The following VAMP3 variants were observed in gnomAD, a reference collection of about 807,000 sequenced individuals.
The protein encoded by VAMP3 is vesicle-associated membrane protein 3.
VAMP3 carries 11 observed loss-of-function variants against 18.1 expected under a neutral mutation model. The ratio of observed to expected loss-of-function variants is 0.61; its 90% CI spans 0.38 to 1.00. The LOEUF is 1.00. Among genes scored for constraint, VAMP3 ranks in the 50% least tolerant of loss-of-function variants. VAMP3 has a pLI of 0.01. For missense variants in VAMP3, 122 were observed against 127.3 expected, an observed-to-expected ratio of 0.96 and a Z score of 0.20; for synonymous variants, 49 against 43.1, an observed-to-expected ratio of 1.14 and a Z score of -0.53.
intron 1 of VAMP3, among the ~76,000 whole-genome samples, chr1:7,771,857 C>T (rs954585845): frequency 2.0e-5 from 3 of 152,256 alleles, no homozygotes; most frequent in African/African-American, 7.2e-5. Context: ...GGAAAGATCA[C>T]TTAACCGTGG....
At chr1:7,778,355 A>G (rs2097055361) in intron 4 of VAMP3, among the ~76,000 whole-genome samples, 186 bp downstream of exon 4, 1 of 152,156 alleles carries the variant, frequency 6.6e-6, no homozygotes, top group Non-Finnish European at 1.5e-5. Context: ...CCTGGGCAAC[A>G]TAGCGTCTCT....
At chr1:7,777,391 A>C in intron 3 of VAMP3, 73 bp downstream of exon 3, 1 of 1,516,896 alleles carries the variant, frequency 6.6e-7, no homozygotes, top group South Asian at 1.3e-5. Context: ...GGCTACAGAT[A>C]ATGGACTTTC....
rs973690959 is a variant in VAMP3 at position 7,778,056 on chromosome 1, C to T, written c.232-62C>T. 5.2e-6 allele frequency: 8 copies of T among 1,539,764 alleles called. No individual in the cohort carries two copies. In the Admixed American group the frequency reaches 8.3e-5, roughly 16 times the overall value. On this transcript the variant is annotated intron_variant, in intron 3 of 4. Transcript: ENST00000054666. ...GTGACTAGATGAATATTATATAATA[C>T]TCTTCAACAAGCACATTATGTCTGC...
At chr1:7,777,816 T>C (rs764316782) in intron 3 of VAMP3, among the ~76,000 whole-genome samples, 16 of 152,230 alleles carry the variant, frequency 1.1e-4, no homozygotes, top group Non-Finnish European at 1.9e-4. Flanking sequence ...CTGCCTTGTT[T>C]ACAAGTGACA....
rs182920178 is a variant in VAMP3, at chr1:7,773,268, T to C, written c.3-174T>C. 9.6e-5 allele frequency: 57 copies of C among 590,840 alleles called. No individual in the cohort carries two copies. In the Admixed American group the frequency reaches 1.9e-3, roughly 19 times the overall value. The allele number at this position is 590,840 out of a possible 1,614,324, so 36.6% of individuals were successfully genotyped here. A position where few individuals can be genotyped will look rare whatever the true frequency, so the allele number is the denominator to read the frequency against. ...ACAGTCTTGGAAATTATAGAGAAATTAGAAGAAATGCAATTAAAACTTTCG... is the reference window on the plus strand; with the variant it reads ...ACAGTCTTGGAAATTATAGAGAAATCAGAAGAAATGCAATTAAAACTTTCG... On this transcript the variant is annotated intron_variant, in intron 1 of 4. Coordinates refer to ENST00000054666, the MANE Select transcript of VAMP3 (RefSeq NM_004781.4).
rs777808323 is a variant in VAMP3 at position 7,771,378 on chromosome 1, G to A, written c.-6G>A. On this transcript the variant is annotated 5_prime_UTR_variant, in exon 1 of 5. Coordinates refer to ENST00000054666, the MANE Select transcript of VAMP3 (RefSeq NM_004781.4). Reference sequence around the variant, plus strand: ...CGTCGCCGCTGCCGCCGCCGCAGCTGCCAAAATGTGAGTGACGCTACGCGA... The same window carrying A: ...CGTCGCCGCTGCCGCCGCCGCAGCTACCAAAATGTGAGTGACGCTACGCGA... 5 of 1,592,360 alleles carry A rather than the reference G, an allele frequency of 3.1e-6. No homozygotes were observed. The highest frequency in any genetic ancestry group is 1.1e-5 in the South Asian group (1 of 89,990).
chr1:7,771,526 G>A, intron 1 of VAMP3, 141 bp downstream of exon 1: 2 of 1,129,960 alleles, frequency 1.8e-6, no homozygotes, highest in South Asian at 2.2e-5. Context: ...CCTGGGGGTG[G>A]GCGGTGGCCC....
chr1:7,778,110 TG>T lies in VAMP3; in HGVS notation c.232-7del, dbSNP rs537645712. The T allele has an allele frequency of 6.2e-7, 1 of 1,613,938 alleles. No homozygotes were observed. The highest frequency in any genetic ancestry group is 1.3e-5 in the African/African-American group (1 of 75,056). On this transcript the variant is annotated splice_region_variant and splice_polypyrimidine_tract_variant and intron_variant, in intron 3 of 4. Coordinates refer to ENST00000054666, the MANE Select transcript of VAMP3 (RefSeq NM_004781.4). ...TGAAATGTGATATGGACATATGTTT[TG>T]TTACAGATGTGGGCAATCGGGATTA...
intron 3 of VAMP3, 141 bp downstream of exon 3, chr1:7,777,459 T>A (rs2097054849): frequency 3.7e-6 from 4 of 1,089,924 alleles, no homozygotes; most frequent in Admixed American, 5.6e-5. Context: ...CCACTGTGAA[T>A]CCGAAACACT....
In VAMP3 at chr1:7,778,143, T is replaced by C. The variant is rs756094232; in HGVS notation, c.257T>C (p.Leu86Pro). The C allele has an allele frequency of 5.6e-6, 9 of 1,614,124 alleles. No individual in the cohort carries two copies. Among genetic ancestry groups the C allele is most frequent in the South Asian group, 4.4e-5 (4 of 91,092 alleles). ...CKMWAIGITV[L>P]VIFIIIIIVW... ...ATGTGGGCAATCGGGATTACTGTTC[T>C]GGTTATCTTCATCATCATCATCATC... Residue 86 changes from leucine (L) to proline (P), a missense_variant, in exon 4 of 5, where the codon CTG becomes CCG. By Grantham distance (98) the Leu-to-Pro change is moderately conservative (BLOSUM62 -3). Coordinates refer to ENST00000054666, the MANE Select transcript of VAMP3 (RefSeq NM_004781.4).
In VAMP3 at chr1:7,771,378, G is replaced by C; in HGVS notation, c.-6G>C. 1.9e-6 allele frequency: 3 copies of C among 1,592,360 alleles called. No homozygotes were observed. The highest frequency in any genetic ancestry group is 2.6e-6 in the Non-Finnish European group (3 of 1,172,896). On this transcript the variant is annotated 5_prime_UTR_variant, in exon 1 of 5. Transcript: ENST00000054666. Reference sequence around the variant, plus strand: ...CGTCGCCGCTGCCGCCGCCGCAGCTGCCAAAATGTGAGTGACGCTACGCGA... The same window carrying C: ...CGTCGCCGCTGCCGCCGCCGCAGCTCCCAAAATGTGAGTGACGCTACGCGA...
chr1:7,777,140 C>T lies in VAMP3; in HGVS notation c.73-20C>T, dbSNP rs771397750. On this transcript the variant is annotated intron_variant, in intron 2 of 4. Transcript: ENST00000054666. Reference sequence around the variant, plus strand: ...TCCTCCATTCTTTGTGCATTACTTGCTGTGATCACACTCATCTAGGTGGTG... The same window carrying T: ...TCCTCCATTCTTTGTGCATTACTTGTTGTGATCACACTCATCTAGGTGGTG... The T allele has an allele frequency of 2.5e-6, 4 of 1,590,482 alleles. No individual in the cohort carries two copies. The highest frequency in any genetic ancestry group is 3.4e-6 in the Non-Finnish European group (4 of 1,165,350).
intron 2 of VAMP3, among the ~76,000 whole-genome samples, chr1:7,774,981 T>G (rs1371385847): frequency 6.6e-6 from 1 of 152,236 alleles, no homozygotes; most frequent in East Asian, 1.9e-4. Context: ...ACTGCCAAAT[T>G]GTTTTCCACA....
intron 2 of VAMP3, among the ~76,000 whole-genome samples, chr1:7,774,196 A>G (rs746231242): frequency 1.3e-4 from 20 of 152,236 alleles, no homozygotes; most frequent in Non-Finnish European, 2.6e-4. Flanking sequence ...CTGAAAAAAC[A>G]GTTAAAGTTA....
At chr1:7,778,806 T>C (rs866081880) in intron 4 of VAMP3, among the ~76,000 whole-genome samples, 2 of 152,218 alleles carry the variant, frequency 1.3e-5, no homozygotes, top group African/African-American at 2.4e-5. Context: ...AGCAATTTAA[T>C]ATCTCTGGGT....
Position 7,780,342 on chromosome 1 carries a change from T to C in VAMP3, c.*697T>C, listed in dbSNP as rs1196949714. 6.5e-6 allele frequency: 1 copy of C among 152,794 alleles called. No homozygotes were observed. Among genetic ancestry groups the C allele is most frequent in the Non-Finnish European group, 1.5e-5 (1 of 68,026 alleles). 9.5% of individuals were successfully genotyped at this position (152,794 alleles called of 1,614,324 possible). A position where few individuals can be genotyped will look rare whatever the true frequency, so the allele number is the denominator to read the frequency against. Reference sequence around the variant, plus strand: ...ATTTTGCCAAAAAGTTAAATACCGATAAAATGGCCTTAAGTGTATTCCTGA... The same window carrying C: ...ATTTTGCCAAAAAGTTAAATACCGACAAAATGGCCTTAAGTGTATTCCTGA... On this transcript the variant is annotated 3_prime_UTR_variant, in exon 5 of 5. Coordinates refer to ENST00000054666, the MANE Select transcript of VAMP3 (RefSeq NM_004781.4).
intron 4 of VAMP3, among the ~76,000 whole-genome samples, chr1:7,779,295 AACAC>A (rs1478063761): frequency 6.6e-6 from 1 of 152,166 alleles, no homozygotes; most frequent in Non-Finnish European, 1.5e-5. Context: ...TGTATACACA[AACAC>A]ACACACAACT....
rs149457052 is a variant in VAMP3 at position 7,778,129 on chromosome 1, C to T, written c.243C>T (p.Ile81=). ...ATGTTTTGTTACAGATGTGGGCAAT[C>T]GGGATTACTGTTCTGGTTATCTTCA... is the stretch of plus-strand genomic sequence containing the variant. ...YWWKNCKMWA[I]GITVLVIFII... is the part of the protein sequence containing the mutation. The change falls in exon 4 of 5, where the codon ATC becomes ATT. Residue 81 remains isoleucine (I), a synonymous_variant. Coordinates refer to ENST00000054666, the MANE Select transcript of VAMP3 (RefSeq NM_004781.4). The T allele has an allele frequency of 3.8e-5, 62 of 1,614,090 alleles. No homozygotes were observed. The highest frequency in any genetic ancestry group is 3.3e-4 in the Middle Eastern group (2 of 6,062).
At chr1:7,778,799 A>C (rs2097055630) in intron 4 of VAMP3, among the ~76,000 whole-genome samples, 1 of 152,214 alleles carries the variant, frequency 6.6e-6, no homozygotes, top group African/African-American at 2.4e-5. Flanking sequence ...GTGGACAAGC[A>C]ATTTAATATC....
Sources: allele counts gnomAD v4.1 joint callset (sites outside exome capture counted in the v4.1 genomes callset), GRCh38; gene constraint gnomAD v4.1.1; transcripts MANE v1.5; gene names NCBI Gene and HGNC (gene_info 2026-07-23, HGNC 2026-07-21).